The following ZNF7 variants were observed in gnomAD, a reference collection of about 807,000 sequenced individuals.
ZNF7 encodes the protein zinc finger protein 7.
ZNF7 carries 10 observed loss-of-function variants against 12.0 expected under a neutral mutation model. The ratio of observed to expected loss-of-function variants is 0.83; its 90% CI spans 0.51 to 1.42. ZNF7 has a LOEUF of 1.42. Ranked by LOEUF, ZNF7 falls within the 40% of genes most tolerant of loss-of-function variation. The pLI is 0.00. For synonymous variants in ZNF7, 334 were observed against 295.0 expected (o/e 1.13, Z -1.35); for missense variants, 854 against 837.2 (o/e 1.02, Z -0.25).
At position 144,842,309 on chromosome 8, in the gene ZNF7, T is replaced by C. The variant is rs1405938947; in HGVS notation, c.1202T>C (p.Val401Ala). 1 of 1,613,994 alleles carries C rather than the reference T, an allele frequency of 6.2e-7. No homozygotes were observed. Reference sequence around the variant, plus strand: ...AAAGCCTCAGACAGTCCAAGCCTTGTTGCACATCAGAGAATTCACGCTGTA... The same window carrying C: ...AAAGCCTCAGACAGTCCAAGCCTTGCTGCACATCAGAGAATTCACGCTGTA... ...ILKASDSPSL[V>A]AHQRIHAVEK... Residue 401 changes from valine (V) to alanine (A), a missense_variant, in exon 5 of 5, where the codon GTT (valine) becomes GCT (alanine). Val to Ala is a moderately conservative substitution (Grantham distance 64). Coordinates refer to ENST00000532777, the MANE Select transcript of ZNF7 (RefSeq NM_003416.4).
chr8:144,829,383 C>A (rs1386280737), intron 2 of ZNF7, 95 bp from the exon 3 acceptor site: 20 of 1,584,820 alleles, frequency 1.3e-5, no homozygotes, highest in Non-Finnish European at 1.7e-5. Context: ...TCTCGCCCAA[C>A]CCCATGGGGC....
Position 144,837,053 on chromosome 8 carries a change from G to A in ZNF7, c.131-338G>A, listed in dbSNP as rs147836354. 602 of 197,662 alleles carry A rather than the reference G, an allele frequency of 3.0e-3. 3 individuals are homozygous for A. The highest frequency in any genetic ancestry group is 3.9e-3 in the Non-Finnish European group (375 of 97,026). 12.2% of individuals were successfully genotyped at this position (197,662 alleles called of 1,614,324 possible). A position where few individuals can be genotyped will look rare whatever the true frequency, so the allele number is the denominator to read the frequency against. ...GCTCTCTGAACTGAGGGACAGGCCC[G>A]GTTCTGCTAAGTGAAGCTTGGGCTT... is the stretch of plus-strand genomic sequence containing the variant. On this transcript the variant is annotated intron_variant, in intron 3 of 4. Coordinates refer to ENST00000532777, the MANE Select transcript of ZNF7 (RefSeq NM_003416.4).
At chr8:144,841,158 G>A (rs1007603709) in intron 4 of ZNF7, 197 bp from the exon 5 acceptor site, 18 of 612,806 alleles carry the variant, frequency 2.9e-5, no homozygotes, top group Non-Finnish European at 4.6e-5. Context: ...TATCGAATGA[G>A]TGAACAAGGT....
At position 144,842,776 on chromosome 8, in the gene ZNF7, G is replaced by C. The variant is rs1830119001; in HGVS notation, c.1669G>C (p.Glu557Gln). Residue 557 changes from glutamate to glutamine, a missense_variant, in exon 5 of 5, where the codon GAA becomes CAA. Coordinates refer to ENST00000532777, the MANE Select transcript of ZNF7 (RefSeq NM_003416.4). ...TGGAGAGAGGCCCTATAAATGTAATGAATGTGGGAAAGCCTTCAGTCAAAA... is the reference window on the plus strand; with the variant it reads ...TGGAGAGAGGCCCTATAAATGTAATCAATGTGGGAAAGCCTTCAGTCAAAA... ...HTGERPYKCN[E>Q]CGKAFSQNST... The C allele has an allele frequency of 6.2e-7, 1 of 1,614,204 alleles. No homozygotes were observed. The highest frequency in any genetic ancestry group is 2.2e-5 in the East Asian group (1 of 44,886).
Position 144,827,591 on chromosome 8 carries a change from C to A in ZNF7, c.-64C>A. 4 of 985,836 alleles carry A rather than the reference C, an allele frequency of 4.1e-6. No individual in the cohort carries two copies. The highest frequency in any genetic ancestry group is 4.8e-6 in the Non-Finnish European group (4 of 830,272). 61.1% of individuals were successfully genotyped at this position (985,836 alleles called of 1,614,324 possible). ...GGCGGCGTCGCGCGTTTGCGAGCCT[C>A]GGGTGGTCCTCAGGGAGGGTGAGTC... On this transcript the variant is annotated 5_prime_UTR_variant, in exon 1 of 5. Coordinates refer to ENST00000532777, the MANE Select transcript of ZNF7 (RefSeq NM_003416.4).
In ZNF7 at chr8:144,841,448, A is replaced by G. The variant is rs750953694; in HGVS notation, c.341A>G (p.Gln114Arg). Residue 114 changes from glutamine to arginine, a missense_variant, in exon 5 of 5, where the codon CAG becomes CGG. Gln to Arg is a conservative substitution (Grantham distance 43, BLOSUM62 1). Transcript: ENST00000532777. Reference sequence around the variant, plus strand: ...GGGACAGTGGTCAGAATCTCCCCACAGGACTTTCCTCAGAATCCTGGCTTT... The same window carrying G: ...GGGACAGTGGTCAGAATCTCCCCACGGGACTTTCCTCAGAATCCTGGCTTT... ...SYGTVVRISP[Q>R]DFPQNPGFGD... 1 of 1,614,250 alleles carries G rather than the reference A, an allele frequency of 6.2e-7. No individual in the cohort carries two copies. The highest frequency in any genetic ancestry group is 8.5e-7 in the Non-Finnish European group (1 of 1,180,050).
intron 4 of ZNF7, chr8:144,838,238 C>A: frequency 1.5e-6 from 1 of 669,820 alleles, no homozygotes; most frequent in Admixed American, 2.1e-5. Flanking sequence ...TAGAAGGACA[C>A]CAGTCATGGT....
At chr8:144,847,064 G>C (rs2130763718), downstream of ZNF7, 1 of 152,368 alleles carries the variant, frequency 6.6e-6, no homozygotes, top group South Asian at 2.1e-4. Flanking sequence ...GCAGCTTGCT[G>C]AGAGCCAAGG....
rs1829316837 is a variant in ZNF7 at position 144,838,233 on chromosome 8, G to T, written c.247+726G>T. 3 of 676,360 alleles carry T rather than the reference G, an allele frequency of 4.4e-6. No individual in the cohort carries two copies. In the South Asian group the frequency reaches 4.7e-5, roughly 11 times the overall value. The allele number at this position is 676,360 out of a possible 1,614,324, so 41.9% of individuals were successfully genotyped here. On this transcript the variant is annotated intron_variant, in intron 4 of 4. Coordinates refer to ENST00000532777, the MANE Select transcript of ZNF7 (RefSeq NM_003416.4). ...TGTTCATGTGGCCATCTCCTTAGAAGGACACCAGTCATGGTGGGTTAGGGG... is the reference window on the plus strand; with the variant it reads ...TGTTCATGTGGCCATCTCCTTAGAATGACACCAGTCATGGTGGGTTAGGGG...
At chr8:144,841,217 T>C (rs926400476) in intron 4 of ZNF7, 138 bp from the exon 5 acceptor site, 6 of 839,008 alleles carry the variant, frequency 7.2e-6, no homozygotes, top group Non-Finnish European at 9.3e-6. Flanking sequence ...CTGCCTTCTC[T>C]TGCACGTTTC....
At chr8:144,833,574 C>T (rs867398899) in intron 3 of ZNF7, among the ~76,000 whole-genome samples, 10 of 151,610 alleles carry the variant, frequency 6.6e-5, no homozygotes, top group East Asian at 1.9e-4. Context: ...GATGGGGTTT[C>T]GCCATGTTGG....
At chr8:144,844,737 C>T (rs948110862), downstream of ZNF7, among the ~76,000 whole-genome samples, 3 of 93,658 alleles carry the variant, frequency 3.2e-5, no homozygotes, top group African/African-American at 1.3e-4. Flanking sequence ...AAAAAAAAAA[C>T]GAAAATGGGA....
chr8:144,844,726 A>C (rs537154188), downstream of ZNF7, among the ~76,000 whole-genome samples: 14 of 60,812 alleles, frequency 2.3e-4, no homozygotes, highest in African/African-American at 5.7e-4. Context: ...AAAAAAAAAA[A>C]AAAAAAAAAA....
rs772227840 is a variant in ZNF7 at position 144,841,634 on chromosome 8, G to A, written c.527G>A (p.Ser176Asn). 3.7e-6 allele frequency: 6 copies of A among 1,614,118 alleles called. No individual in the cohort carries two copies. In the Admixed American group the frequency reaches 5.0e-5, roughly 13 times the overall value. Reference sequence around the variant, plus strand: ...CCCCAGGGATGTAAGGAGCTGGGAAGCAGCGGCCTGGATTGTCAGCCTCTT... The same window carrying A: ...CCCCAGGGATGTAAGGAGCTGGGAAACAGCGGCCTGGATTGTCAGCCTCTT... ...DAPQGCKELG[S>N]SGLDCQPLES... Residue 176 changes from serine to asparagine, a missense_variant, in exon 5 of 5, where the codon AGC (serine) becomes AAC (asparagine). Physicochemically the swap from Ser to Asn is conservative, Grantham distance 46. Coordinates refer to ENST00000532777, the MANE Select transcript of ZNF7 (RefSeq NM_003416.4).
intron 1 of ZNF7, chr8:144,827,821 C>T (rs1827947947): frequency 2.4e-6 from 1 of 411,484 alleles, no homozygotes; most frequent in African/African-American, 2.2e-5. Flanking sequence ...AGGTGGGCTT[C>T]GTTTGGCCGA....
downstream of ZNF7, among the ~76,000 whole-genome samples, chr8:144,844,709 C>CAAAA (rs71320849): frequency 1.4e-4 from 12 of 88,634 alleles, no homozygotes; most frequent in African/African-American, 4.2e-4. Flanking sequence ...GACTCTGTAT[C>CAAAA]AAAAAAAAAA....
At chr8:144,829,311 C>T (rs1448210401) in intron 2 of ZNF7, 167 bp from the exon 3 acceptor site, 2 of 1,537,616 alleles carry the variant, frequency 1.3e-6, no homozygotes, top group East Asian at 2.3e-5. Flanking sequence ...GACTGGGTTC[C>T]TTCCTCCTCC....
chr8:144,845,955 G>A (rs1830491533), downstream of ZNF7: 2 of 1,535,344 alleles, frequency 1.3e-6, no homozygotes, highest in Non-Finnish European at 8.7e-7. Flanking sequence ...CACAGGGGTT[G>A]CTGTTGCTTT....
At chr8:144,846,275 C>T (rs1238824521), downstream of ZNF7, 5 of 1,219,048 alleles carry the variant, frequency 4.1e-6, no homozygotes, top group South Asian at 1.5e-5. Flanking sequence ...TCTGCTTCAG[C>T]ACCTGGATTC....
Sources: gnomAD v4.1 joint callset for allele counts (sites outside exome capture counted in the v4.1 genomes callset) on GRCh38, gnomAD v4.1.1 for gene constraint, MANE v1.5 for transcripts, NCBI Gene and HGNC (gene_info 2026-07-23, HGNC 2026-07-21) for gene names.